NRXN3: variants seen among roughly 807,000 people sequenced by gnomAD.
NRXN3 encodes neurexin 3, also known as neurexin III.
A neutral mutation model predicts 137.6 loss-of-function variants in NRXN3; 32 were observed. The observed-to-expected ratio is 0.23, with a 90% CI of 0.18 to 0.31. NRXN3 has a LOEUF of 0.31. NRXN3 is among the 10% of genes least tolerant of loss of function. The pLI, the probability that NRXN3 is intolerant of heterozygous loss-of-function variation, is 1.00. For missense variants in NRXN3, 1,574 were observed against 2,062.5 expected (o/e 0.76, Z 4.59); for synonymous variants, 798 against 784.5 (o/e 1.02, Z -0.29).
At chr14:78,987,465 G>A (rs1469785436) in intron 14 of NRXN3, among the ~76,000 whole-genome samples, 6 of 152,042 alleles carry the variant, frequency 3.9e-5, no homozygotes, top group African/African-American at 1.4e-4. Context: ...ACATTGTTTA[G>A]TACCCAGTAC....
chr14:79,769,817 A>T (rs1408676874), intron 19 of NRXN3, among the ~76,000 whole-genome samples: 3 of 152,220 alleles, frequency 2.0e-5, no homozygotes, highest in Admixed American at 2.0e-4. Flanking sequence ...CAATTAAAAG[A>T]CACAGACTGG....
chr14:79,290,693 C>T (rs572611357), intron 15 of NRXN3, among the ~76,000 whole-genome samples: 22 of 151,074 alleles, frequency 1.5e-4, no homozygotes, highest in Middle Eastern at 6.8e-3. Flanking sequence ...ATAGCCACCA[C>T]GCTGGTTGAA....
intron 4 of NRXN3, among the ~76,000 whole-genome samples, chr14:78,513,889 C>T (rs1460400201): frequency 6.6e-6 from 1 of 152,150 alleles, no homozygotes; most frequent in Admixed American, 6.5e-5. Context: ...CTCTCCATAA[C>T]TAGTCTACCT....
rs528922046 is a variant in NRXN3 at position 78,253,794 on chromosome 14, G to T, written c.709+9992G>T. On this transcript the variant is annotated intron_variant, in intron 2 of 20. Transcript: ENST00000335750. ...CACTATATAAAATGAGCCTCCCCGT[G>T]CCCCGCCCCCCCGCCCAAAGAAAAC... Among the ~76,000 whole-genome samples, 40 of 141,146 alleles carry T rather than the reference G, an allele frequency of 2.8e-4. No individual in the cohort carries two copies. In the Middle Eastern group the frequency reaches 0.019, roughly 67 times the overall value. The allele number at this position is 141,146 out of a possible 152,430, so 92.6% of individuals were successfully genotyped here.
chr14:79,038,785 G>T (rs976898800), intron 15 of NRXN3, among the ~76,000 whole-genome samples: 1 of 152,038 alleles, frequency 6.6e-6, no homozygotes, highest in African/African-American at 2.4e-5. Context: ...CACTGATGCC[G>T]ACTGGTTAAC....
At chr14:78,635,813 T>G (rs1407075795) in intron 4 of NRXN3, among the ~76,000 whole-genome samples, 2 of 152,240 alleles carry the variant, frequency 1.3e-5, no homozygotes, top group Admixed American at 1.3e-4. Flanking sequence ...ATGTGAAACT[T>G]ATTTATAGGA....
intron 3 of NRXN3, chr14:78,283,511 A>ATT (rs879470516): frequency 1.4e-4 from 20 of 143,744 alleles, no homozygotes; most frequent in African/African-American, 3.6e-4. Flanking sequence ...TCTGGCTAAC[A>ATT]TTTTTTTTTT....
At chr14:78,901,227 T>A (rs1418793336) in intron 10 of NRXN3, among the ~76,000 whole-genome samples, 11 of 151,986 alleles carry the variant, frequency 7.2e-5, no homozygotes, top group Admixed American at 7.2e-4. Flanking sequence ...TTGAACCATT[T>A]TTTTTTCCAT....
At chr14:79,619,038 T>G (rs2098192763) in intron 16 of NRXN3, among the ~76,000 whole-genome samples, 1 of 152,112 alleles carries the variant, frequency 6.6e-6, no homozygotes, top group African/African-American at 2.4e-5. Context: ...TCTTTGCCTA[T>G]TTTTAATGGA....
intron 4 of NRXN3, among the ~76,000 whole-genome samples, chr14:78,629,166 A>G (rs574750650): frequency 3.9e-5 from 6 of 152,326 alleles, no homozygotes; most frequent in African/African-American, 1.2e-4. Flanking sequence ...GTTTCCTGGT[A>G]TGAAACAGTG....
chr14:79,360,496 C>T (rs565231441), intron 15 of NRXN3, among the ~76,000 whole-genome samples: 1 of 152,316 alleles, frequency 6.6e-6, no homozygotes, highest in South Asian at 2.1e-4. Flanking sequence ...TAAGCATCTA[C>T]TATGTGCCAA....
chr14:78,471,448 C>A (rs567454453), intron 4 of NRXN3, among the ~76,000 whole-genome samples: 1 of 152,092 alleles, frequency 6.6e-6, no homozygotes, highest in Non-Finnish European at 1.5e-5. Context: ...AGGGCCTGAT[C>A]ACCATCAGAC....
intron 15 of NRXN3, among the ~76,000 whole-genome samples, chr14:79,107,699 T>A (rs1195809399): frequency 6.6e-6 from 1 of 151,692 alleles, no homozygotes; most frequent in Admixed American, 6.6e-5. Flanking sequence ...GATAGGGAGG[T>A]AGAGAGAGAA....
chr14:79,731,065 C>A (rs570708253), intron 19 of NRXN3, among the ~76,000 whole-genome samples: 3 of 152,154 alleles, frequency 2.0e-5, no homozygotes, highest in African/African-American at 7.2e-5. Context: ...GAAGACACTG[C>A]GGGTTGCTAA....
chr14:79,464,881 A>G (rs1190791582), intron 15 of NRXN3, among the ~76,000 whole-genome samples: 1 of 152,200 alleles, frequency 6.6e-6, no homozygotes, highest in East Asian at 1.9e-4. Flanking sequence ...ATTGTTGCAA[A>G]GATTCAGCAA....
intron 8 of NRXN3, among the ~76,000 whole-genome samples, chr14:78,774,354 G>T (rs1294228744): frequency 2.0e-5 from 3 of 152,150 alleles, no homozygotes; most frequent in East Asian, 1.9e-4. Flanking sequence ...ATGAGCCCAA[G>T]AATTTATTCA....
At chr14:79,693,259 G>C (rs969453717) in intron 18 of NRXN3, among the ~76,000 whole-genome samples, 1 of 151,914 alleles carries the variant, frequency 6.6e-6, no homozygotes, top group Non-Finnish European at 1.5e-5. Flanking sequence ...AGATTTCATT[G>C]AGTTATATAG....
At chr14:79,238,390 C>A (rs983061079) in intron 15 of NRXN3, among the ~76,000 whole-genome samples, 2 of 152,006 alleles carry the variant, frequency 1.3e-5, no homozygotes, top group Non-Finnish European at 2.9e-5. Context: ...GACATATTCT[C>A]CCATGTAGGA....
intron 7 of NRXN3, among the ~76,000 whole-genome samples, chr14:78,711,026 C>A (rs886616122): frequency 6.6e-6 from 1 of 152,204 alleles, no homozygotes; most frequent in Admixed American, 6.5e-5. Context: ...ACTTCTTCTT[C>A]TTCTTTTCTT....
Sources: allele counts gnomAD v4.1 joint callset (sites outside exome capture counted in the v4.1 genomes callset), GRCh38; gene constraint gnomAD v4.1.1; transcripts MANE v1.5; gene names NCBI Gene and HGNC (gene_info 2026-07-23, HGNC 2026-07-21).